The following CACNA2D3 variants were observed in gnomAD, a reference collection of about 807,000 sequenced individuals.
The protein encoded by CACNA2D3 is voltage-dependent calcium channel subunit alpha-2/delta-3.
A neutral mutation model predicts 160.6 loss-of-function variants in CACNA2D3; 60 were observed. The observed-to-expected ratio is 0.37, with a 90% CI of 0.30 to 0.46. CACNA2D3 has a LOEUF of 0.46. CACNA2D3 is among the 20% of genes least tolerant of loss of function. CACNA2D3 has a pLI of 1.00. For synonymous variants in CACNA2D3, 558 were observed against 492.9 expected, an observed-to-expected ratio of 1.13 and a Z score of -1.75; for missense variants, 1,205 against 1,365.0, an observed-to-expected ratio of 0.88 and a Z score of 1.85.
chr3:54,572,261 C>G (rs780558103), intron 8 of CACNA2D3, among the ~76,000 whole-genome samples: 9 of 152,190 alleles, frequency 5.9e-5, no homozygotes, highest in Non-Finnish European at 8.8e-5. Context: ...AAAGAGAATA[C>G]TAAATTCCTT....
chr3:54,894,579 G>T (rs762227832), intron 25 of CACNA2D3: 1 of 513,718 alleles, frequency 1.9e-6, no homozygotes, highest in Non-Finnish European at 3.9e-6. Flanking sequence ...GCATAGACAG[G>T]GCACCTCTTA....
At chr3:54,707,595 A>C (rs951789073) in intron 11 of CACNA2D3, among the ~76,000 whole-genome samples, 1 of 152,068 alleles carries the variant, frequency 6.6e-6, no homozygotes, top group African/African-American at 2.4e-5. Context: ...TTATCTGTGG[A>C]ATTTTCTTTG....
chr3:54,218,397 G>GA (rs1012464459), intron 2 of CACNA2D3, among the ~76,000 whole-genome samples: 2 of 152,112 alleles, frequency 1.3e-5, no homozygotes, highest in African/African-American at 4.8e-5. Context: ...AGACAAGCCT[G>GA]AAAAAAATAT....
intron 4 of CACNA2D3, among the ~76,000 whole-genome samples, chr3:54,427,306 C>T (rs1328218563): frequency 6.6e-6 from 1 of 152,108 alleles, no homozygotes; most frequent in African/African-American, 2.4e-5. Context: ...TAGCAAACAT[C>T]TCGGACACAT....
chr3:54,623,367 C>T (rs1699033372), intron 9 of CACNA2D3, among the ~76,000 whole-genome samples: 1 of 152,180 alleles, frequency 6.6e-6, no homozygotes, highest in African/African-American at 2.4e-5. Context: ...AGCAGAAGTC[C>T]AGGGATTGGC....
chr3:54,957,157 A>G (rs1350042851), intron 27 of CACNA2D3, among the ~76,000 whole-genome samples: 3 of 103,960 alleles, frequency 2.9e-5, no homozygotes, highest in Non-Finnish European at 3.9e-5. Context: ...CAAGTTATAA[A>G]ATAATTTTCT....
At chr3:54,613,504 G>A (rs1227965462) in intron 9 of CACNA2D3, among the ~76,000 whole-genome samples, 1 of 152,162 alleles carries the variant, frequency 6.6e-6, no homozygotes, top group Admixed American at 6.5e-5. Flanking sequence ...TGAGGTCCAC[G>A]TTTCTGTTTA....
At chr3:54,962,358 G>A (rs971061068) in intron 27 of CACNA2D3, among the ~76,000 whole-genome samples, 2 of 152,114 alleles carry the variant, frequency 1.3e-5, no homozygotes, top group African/African-American at 4.8e-5. Flanking sequence ...TCCTAGGAGT[G>A]GACAGTTTGC....
intron 27 of CACNA2D3, among the ~76,000 whole-genome samples, chr3:54,916,545 C>T (rs1385316737): frequency 6.6e-6 from 1 of 152,150 alleles, no homozygotes; most frequent in Non-Finnish European, 1.5e-5. Flanking sequence ...ACTTTGTCCC[C>T]TAGAAAAATC....
chr3:54,536,997 G>A (rs536610875), intron 5 of CACNA2D3, among the ~76,000 whole-genome samples: 96 of 152,162 alleles, frequency 6.3e-4, no homozygotes, highest in Non-Finnish European at 1.0e-3. Context: ...ATAAATGCTC[G>A]ATAAATGGCT....
At chr3:54,158,377 G>A (rs1453055301) in intron 2 of CACNA2D3, among the ~76,000 whole-genome samples, 2 of 152,076 alleles carry the variant, frequency 1.3e-5, no homozygotes, top group Non-Finnish European at 2.9e-5. Context: ...AGTATAACCA[G>A]GGTTTGCCAC....
intron 3 of CACNA2D3, among the ~76,000 whole-genome samples, chr3:54,348,101 A>G (rs1698490158): frequency 6.6e-6 from 1 of 152,198 alleles, no homozygotes; most frequent in Non-Finnish European, 1.5e-5. Context: ...TGATGAGTTG[A>G]TTGCATCATA....
chr3:54,325,287 A>T (rs1704099527), intron 3 of CACNA2D3, among the ~76,000 whole-genome samples: 1 of 152,196 alleles, frequency 6.6e-6, no homozygotes, highest in African/African-American at 2.4e-5. Flanking sequence ...GGGTGTCATG[A>T]TCCTGTAATT....
chr3:54,448,613 C>T (rs1392358100), intron 4 of CACNA2D3, among the ~76,000 whole-genome samples: 7 of 152,148 alleles, frequency 4.6e-5, no homozygotes, highest in African/African-American at 1.7e-4. Flanking sequence ...AATGTGCTAA[C>T]AAGTGGAAAA....
intron 2 of CACNA2D3, among the ~76,000 whole-genome samples, chr3:54,228,049 C>T (rs1701706585): frequency 6.6e-6 from 1 of 152,144 alleles, no homozygotes; most frequent in Non-Finnish European, 1.5e-5. Context: ...TCTGTGGATC[C>T]TCTTCTATTT....
intron 8 of CACNA2D3, among the ~76,000 whole-genome samples, chr3:54,570,443 A>G (rs1358794157): frequency 2.0e-5 from 3 of 152,052 alleles, no homozygotes; most frequent in African/African-American, 4.8e-5. Flanking sequence ...AACCACTAGA[A>G]TTTCTCACAT....
intron 5 of CACNA2D3, among the ~76,000 whole-genome samples, chr3:54,542,267 G>T (rs879630045): frequency 6.6e-6 from 1 of 151,972 alleles, no homozygotes; most frequent in Admixed American, 6.6e-5. Flanking sequence ...TTACCATGTT[G>T]GCCAGGATGG....
chr3:54,742,384 C>G (rs777597164), intron 11 of CACNA2D3, among the ~76,000 whole-genome samples: 1 of 152,192 alleles, frequency 6.6e-6, no homozygotes, highest in Non-Finnish European at 1.5e-5. Context: ...AGCCACTGCA[C>G]TCCATCCTGG....
intron 9 of CACNA2D3, among the ~76,000 whole-genome samples, chr3:54,585,046 A>G (rs1325519738): frequency 6.6e-6 from 1 of 152,212 alleles, no homozygotes; most frequent in East Asian, 1.9e-4. Flanking sequence ...GAAAGGAAAT[A>G]AGGAAAGAAA....
Sources: gnomAD v4.1 joint callset for allele counts (sites outside exome capture counted in the v4.1 genomes callset) on GRCh38, gnomAD v4.1.1 for gene constraint, MANE v1.5 for transcripts, NCBI Gene and HGNC (gene_info 2026-07-23, HGNC 2026-07-21) for gene names.